The following PCDHGB2 variants were observed in gnomAD, a reference collection of about 807,000 sequenced individuals.
The protein encoded by PCDHGB2 is protocadherin gamma-B2.
Under a neutral mutation model 59.3 loss-of-function variants are expected in PCDHGB2, and 55 were observed. That is an observed-to-expected ratio of 0.93 (90% CI 0.75 to 1.16). The LOEUF (loss-of-function observed/expected upper bound fraction) is 1.16. Ranked by LOEUF, PCDHGB2 falls within the 50% of genes most tolerant of loss-of-function variation. PCDHGB2 has a pLI of 0.00. For synonymous variants in PCDHGB2, 516 were observed against 512.0 expected (o/e 1.01, Z -0.11); for missense variants, 1,228 against 1,198.5 (o/e 1.02, Z -0.36).
intron 1 of PCDHGB2, chr5:141,409,824 C>A (rs1265260597): frequency 6.2e-7 from 1 of 1,610,742 alleles, no homozygotes; most frequent in Non-Finnish European, 8.5e-7. Flanking sequence ...GGCTCGCCCA[C>A]GCTCAGCGCC....
intron 1 of PCDHGB2, chr5:141,383,317 G>A (rs376453261): frequency 1.9e-6 from 3 of 1,614,000 alleles, no homozygotes; most frequent in African/African-American, 2.7e-5. Context: ...AGAAATAAAT[G>A]TAAAAATAAT....
At position 141,395,103 on chromosome 5, in the gene PCDHGB2, C is replaced by T. The variant is rs1462569715; in HGVS notation, c.2421+32547C>T. 9 of 1,614,156 alleles carry T rather than the reference C, an allele frequency of 5.6e-6. No homozygotes were observed. The highest frequency in any genetic ancestry group is 1.1e-5 in the South Asian group (1 of 91,074). On this transcript the variant is annotated intron_variant, in intron 1 of 3. Transcript: ENST00000522605. ...GGAAGTCTCCCTCACCGCCGACTCG[C>T]GGAAGAGTCACCTGATCTTTCCCCA... is the stretch of plus-strand genomic sequence containing the variant.
Position 141,423,542 on chromosome 5 carries a change from C to T in PCDHGB2, c.2421+60986C>T, listed in dbSNP as rs755766737. 4.3e-6 allele frequency: 7 copies of T among 1,613,616 alleles called. No individual in the cohort carries two copies. The African/African-American group carries it at 6.7e-5, about 15-fold the overall frequency. The stretch of plus-strand genomic sequence containing the variant: ...TCGCAGAAGAGTCACCTGATTTTCC[C>T]CCAGCCCAACTATGGGGACACGCTC... On this transcript the variant is annotated intron_variant, in intron 1 of 3. Transcript: ENST00000522605.
rs189408749 is a variant in PCDHGB2 at position 141,383,405 on chromosome 5, G to T, written c.2421+20849G>T. On this transcript the variant is annotated intron_variant, in intron 1 of 3. Transcript: ENST00000522605. ...GATGTGGGCACGAACTCCCTCCAGAGTTACCAGCTCAGCCCCAATCGCCAC... is the reference window on the plus strand; with the variant it reads ...GATGTGGGCACGAACTCCCTCCAGATTTACCAGCTCAGCCCCAATCGCCAC... The T allele has an allele frequency of 1.2e-4, 200 of 1,613,898 alleles. No individual in the cohort carries two copies. Among genetic ancestry groups the T allele is most frequent in the South Asian group, 4.4e-5 (4 of 91,084 alleles).
At chr5:141,365,386 G>T (rs115453161) in intron 1 of PCDHGB2, 2 of 1,613,816 alleles carry the variant, frequency 1.2e-6, no homozygotes, top group African/African-American at 1.3e-5. Context: ...TCACCTCTCT[G>T]ACCAGTTCGA....
intron 1 of PCDHGB2, chr5:141,414,273 G>A: frequency 6.2e-7 from 1 of 1,613,418 alleles, no homozygotes; most frequent in Non-Finnish European, 8.5e-7. Flanking sequence ...ATTCACCTCT[G>A]GGAACAGTCG....
rs2095058812 is a variant in PCDHGB2 at position 141,408,208 on chromosome 5, A to T, written c.2421+45652A>T. ...AGCGAGAACCCGAGCGAACGATGGGAGGGAGCTGCGCGCAGAGGCGCCGGG... is the reference window on the plus strand; with the variant it reads ...AGCGAGAACCCGAGCGAACGATGGGTGGGAGCTGCGCGCAGAGGCGCCGGG... On this transcript the variant is annotated intron_variant, in intron 1 of 3. Transcript: ENST00000522605. The T allele has an allele frequency of 1.9e-6, 3 of 1,553,236 alleles. No homozygotes were observed. The East Asian group carries it at 7.3e-5, about 38-fold the overall frequency.
intron 1 of PCDHGB2, among the ~76,000 whole-genome samples, chr5:141,458,339 T>A (rs1380637284): frequency 2.0e-5 from 3 of 150,846 alleles, no homozygotes; most frequent in Non-Finnish European, 3.0e-5. Context: ...TTTTAAGGAG[T>A]GGAGAGTTTA....
chr5:141,453,700 G>T (rs953445370), intron 1 of PCDHGB2, among the ~76,000 whole-genome samples: 1 of 152,166 alleles, frequency 6.6e-6, no homozygotes, highest in East Asian at 1.9e-4. Flanking sequence ...TCCTGGCTTT[G>T]AACAGTTTCA....
At chr5:141,387,637 G>C in intron 1 of PCDHGB2, 1 of 603,262 alleles carries the variant, frequency 1.7e-6, no homozygotes, top group Non-Finnish European at 2.8e-6. Flanking sequence ...GGGCGCCGCT[G>C]TTGGCCAAAG....
At chr5:141,400,032 C>T (rs770927016) in intron 1 of PCDHGB2, 1 of 1,613,282 alleles carries the variant, frequency 6.2e-7, no homozygotes, top group Admixed American at 1.7e-5. Flanking sequence ...ACGCGGCCCG[C>T]CAGCGCCTGC....
At position 141,438,623 on chromosome 5, in the gene PCDHGB2, TATATATATATATAC is replaced by T. The variant is rs537048311; in HGVS notation, c.2422-56182_2422-56169del. Among the ~76,000 whole-genome samples the T allele has an allele frequency of 0.015, 646 of 42,812 alleles. 25 individuals are homozygous for T. In the East Asian group the frequency reaches 0.19, roughly 12 times the overall value. The allele number at this position is 42,812 out of a possible 152,430, so 28.1% of individuals were successfully genotyped here. A position where few individuals can be genotyped will look rare whatever the true frequency, so the allele number is the denominator to read the frequency against. On this transcript the variant is annotated intron_variant, in intron 1 of 3. Transcript: ENST00000522605. ...ATATATATATATATATATATATATA[TATATATATATATAC>T]ACACACACACACACATATATGTATA...
intron 1 of PCDHGB2, among the ~76,000 whole-genome samples, chr5:141,437,987 C>T (rs2097922147): frequency 1.3e-5 from 2 of 152,156 alleles, no homozygotes; most frequent in African/African-American, 2.4e-5. Flanking sequence ...GCACCCACCC[C>T]ACCTCAGCCT....
At chr5:141,393,201 A>C in intron 1 of PCDHGB2, 1 of 1,613,534 alleles carries the variant, frequency 6.2e-7, no homozygotes, top group Admixed American at 1.7e-5. Context: ...TAACGATAAT[A>C]ACCCAAAATT....
At position 141,486,538 on chromosome 5, in the gene PCDHGB2, C is replaced by A; in HGVS notation, c.2422-8269C>A. 1 of 1,614,150 alleles carries A rather than the reference C, an allele frequency of 6.2e-7. No individual in the cohort carries two copies. Among genetic ancestry groups the A allele is most frequent in the Non-Finnish European group, 8.5e-7 (1 of 1,180,038 alleles). ...ATGTGAATGATAATCCACCCTCTTTCTTTCAGAGGTCACATGAGGTGTTTG... is the reference window on the plus strand; with the variant it reads ...ATGTGAATGATAATCCACCCTCTTTATTTCAGAGGTCACATGAGGTGTTTG... On this transcript the variant is annotated intron_variant, in intron 1 of 3. Coordinates refer to ENST00000522605, the MANE Select transcript of PCDHGB2 (RefSeq NM_018923.3). This position sits in a 1 kb window ranked among gnomAD's most constrained non-coding sequence, Gnocchi z 5.0.
intron 1 of PCDHGB2, chr5:141,370,212 C>T (rs1028005275): frequency 4.8e-5 from 27 of 562,604 alleles, no homozygotes; most frequent in Middle Eastern, 4.6e-4. Context: ...ATATTGGCTC[C>T]TCCCGCTGCA....
chr5:141,368,549 A>T (rs928426629), intron 1 of PCDHGB2, among the ~76,000 whole-genome samples: 5 of 152,138 alleles, frequency 3.3e-5, no homozygotes, highest in Non-Finnish European at 5.9e-5. Context: ...CATTTTTTTT[A>T]AAAGAAAATG....
At chr5:141,421,464 T>C in intron 1 of PCDHGB2, 1 of 1,614,090 alleles carries the variant, frequency 6.2e-7, no homozygotes, top group Non-Finnish European at 8.5e-7. Flanking sequence ...TCGCTGTGAA[T>C]CCGCGAAGCG....
intron 1 of PCDHGB2, among the ~76,000 whole-genome samples, chr5:141,467,288 A>G (rs1322298174): frequency 6.6e-6 from 1 of 152,084 alleles, no homozygotes; most frequent in Non-Finnish European, 1.5e-5. Context: ...CTTGACCTCA[A>G]GTGATCCACT....
Sources: allele counts gnomAD v4.1 joint callset (sites outside exome capture counted in the v4.1 genomes callset), GRCh38; gene constraint gnomAD v4.1.1; non-coding constraint Gnocchi (gnomAD v3.1); transcripts MANE v1.5; gene names NCBI Gene and HGNC (gene_info 2026-07-23, HGNC 2026-07-21).